Variants in ATP8A2 observed in about 807,000 individuals in gnomAD.
ATP8A2 encodes phospholipid-transporting ATPase IB.
Under a neutral mutation model 165.6 loss-of-function variants are expected in ATP8A2, and 100 were observed. That is an observed-to-expected ratio of 0.60 (90% CI 0.51 to 0.71). The LOEUF (loss-of-function observed/expected upper bound fraction) is 0.71, where lower values mean the gene tolerates loss of function less well. Among genes scored for constraint, ATP8A2 ranks in the 30% least tolerant of loss-of-function variants. The pLI, the probability that ATP8A2 is intolerant of heterozygous loss-of-function variation, is 0.00. For synonymous variants in ATP8A2, 543 were observed against 548.8 expected, an observed-to-expected ratio of 0.99 and a Z score of 0.15; for missense variants, 1,227 against 1,479.5, an observed-to-expected ratio of 0.83 and a Z score of 2.80.
intron 33 of ATP8A2, among the ~76,000 whole-genome samples, chr13:25,942,424 G>A (rs1025066190): frequency 2.0e-5 from 3 of 152,022 alleles, no homozygotes; most frequent in Non-Finnish European, 1.5e-5. Context: ...CAAGCTTATC[G>A]ATTTTCTTTT....
intron 25 of ATP8A2, among the ~76,000 whole-genome samples, chr13:25,721,098 G>T (rs1190829109): frequency 6.6e-6 from 1 of 151,694 alleles, no homozygotes; most frequent in Non-Finnish European, 1.5e-5. Context: ...TGTGGCTACA[G>T]GCTCATGCCA....
chr13:25,655,726 T>C (rs1211399614), intron 24 of ATP8A2, among the ~76,000 whole-genome samples: 6 of 148,362 alleles, frequency 4.0e-5, no homozygotes, highest in Non-Finnish European at 8.9e-5. Context: ...ACTAAATCTC[T>C]TTAAAAAAAA....
chr13:25,853,396 A>ATATATAT (rs59573616), intron 30 of ATP8A2, among the ~76,000 whole-genome samples: 9,690 of 107,400 alleles, frequency 0.09, 560 homozygotes, highest in South Asian at 0.16. Flanking sequence ...ATCTAAAAAA[A>ATATATAT]ATATATATAT....
chr13:25,480,112 G>A (rs1240338411), intron 2 of ATP8A2, among the ~76,000 whole-genome samples: 10 of 150,902 alleles, frequency 6.6e-5, no homozygotes, highest in Admixed American at 1.3e-4. Flanking sequence ...CGGCTGGCCG[G>A]GCGGGGGGCT....
Position 25,387,853 on chromosome 13 carries a change from C to G in ATP8A2, c.76+15565C>G, listed in dbSNP as rs577317166. Among the ~76,000 whole-genome samples, 35 of 152,106 alleles carry G rather than the reference C, an allele frequency of 2.3e-4. No individual in the cohort carries two copies. In the South Asian group the frequency reaches 7.1e-3, roughly 31 times the overall value. ...GCAGGGTAGGTGGATCACCTGAGGT[C>G]AGGAGTTTGAGACCAGCCTGGACAA... On this transcript the variant is annotated intron_variant, in intron 1 of 36. Transcript: ENST00000381655.
chr13:25,563,628 AG>A (rs1469186291), intron 15 of ATP8A2, among the ~76,000 whole-genome samples: 5 of 152,114 alleles, frequency 3.3e-5, no homozygotes, highest in African/African-American at 1.2e-4. Flanking sequence ...CACTCTTAGA[AG>A]TTTTCTCTGG....
At chr13:25,682,337 A>G (rs2042509031) in intron 24 of ATP8A2, among the ~76,000 whole-genome samples, 1 of 152,046 alleles carries the variant, frequency 6.6e-6, no homozygotes, top group East Asian at 1.9e-4. Context: ...ATCAGGCATA[A>G]AATCCTTCCC....
intron 1 of ATP8A2, among the ~76,000 whole-genome samples, chr13:25,461,471 C>T (rs184679287): frequency 6.6e-4 from 100 of 152,214 alleles, no homozygotes; most frequent in African/African-American, 2.2e-3. Flanking sequence ...TTTTGAGGAG[C>T]GGAATGTATG....
At chr13:25,617,597 G>T (rs1425892488) in intron 24 of ATP8A2, among the ~76,000 whole-genome samples, 2 of 152,162 alleles carry the variant, frequency 1.3e-5, no homozygotes, top group African/African-American at 4.8e-5. Context: ...CTAGATAGTT[G>T]TCTCACTAAC....
intron 1 of ATP8A2, among the ~76,000 whole-genome samples, chr13:25,430,614 G>T (rs2034581807): frequency 6.6e-6 from 1 of 151,984 alleles, no homozygotes; most frequent in Non-Finnish European, 1.5e-5. Context: ...TTTTGTTTTT[G>T]TTTTTTGAGA....
At chr13:25,889,744 G>A (rs1487649266) in intron 33 of ATP8A2, among the ~76,000 whole-genome samples, 5 of 151,850 alleles carry the variant, frequency 3.3e-5, no homozygotes, top group African/African-American at 4.8e-5. Flanking sequence ...TAGCTCCCTT[G>A]ACTGTGACTT....
At chr13:25,400,831 G>A (rs2033613657) in intron 1 of ATP8A2, among the ~76,000 whole-genome samples, 1 of 152,222 alleles carries the variant, frequency 6.6e-6, no homozygotes, top group South Asian at 2.1e-4. Flanking sequence ...GAAAGGGTCT[G>A]AGAAGGCCGG....
At chr13:25,456,459 G>A (rs975273403) in intron 1 of ATP8A2, among the ~76,000 whole-genome samples, 3 of 152,236 alleles carry the variant, frequency 2.0e-5, no homozygotes, top group African/African-American at 7.2e-5. Context: ...GTGAGACTGA[G>A]AAATGTGCTT....
At chr13:25,412,884 G>C (rs532999853) in intron 1 of ATP8A2, among the ~76,000 whole-genome samples, 1 of 152,146 alleles carries the variant, frequency 6.6e-6, no homozygotes. Flanking sequence ...GCAGTGGCAC[G>C]ATCTTGGCTC....
intron 36 of ATP8A2, among the ~76,000 whole-genome samples, chr13:26,015,779 G>A (rs183891680): frequency 8.6e-4 from 131 of 152,322 alleles, no homozygotes; most frequent in African/African-American, 3.0e-3. Flanking sequence ...AGTTAGTTGG[G>A]TCCATGAGAG....
intron 9 of ATP8A2, among the ~76,000 whole-genome samples, chr13:25,542,512 G>T (rs1293762080): frequency 6.7e-6 from 1 of 149,954 alleles, no homozygotes; most frequent in Non-Finnish European, 1.5e-5. Context: ...TGTTATCTTT[G>T]TTCTTCTGGC....
At chr13:25,592,019 C>T (rs998845894) in intron 24 of ATP8A2, among the ~76,000 whole-genome samples, 1 of 128,388 alleles carries the variant, frequency 7.8e-6, no homozygotes, top group Non-Finnish European at 1.8e-5. Context: ...CATATTCTTG[C>T]CAACACTGGT....
In ATP8A2 at chr13:25,744,325, A is replaced by ACC. The variant is rs138866684; in HGVS notation, c.2385-24715_2385-24714dup. Among the ~76,000 whole-genome samples the ACC allele has an allele frequency of 1.9e-4, 28 of 148,532 alleles. 2 individuals carry two copies. Among genetic ancestry groups the ACC allele is most frequent in the African/African-American group, 6.8e-4 (27 of 39,446 alleles). ...GCACATGGCATCTGGCTCACTCACCACCCCCCCGTGTGTATGTGCGCCCTT... is the reference window on the plus strand; with the variant it reads ...GCACATGGCATCTGGCTCACTCACCACCCCCCCCCGTGTGTATGTGCGCCCTT... On this transcript the variant is annotated intron_variant, in intron 25 of 36. Transcript: ENST00000381655.
chr13:25,504,727 A>T (rs1294585501), intron 2 of ATP8A2, among the ~76,000 whole-genome samples: 1 of 137,448 alleles, frequency 7.3e-6, no homozygotes, highest in Non-Finnish European at 1.5e-5. Flanking sequence ...GGCCTGGGCG[A>T]CAGAGCGAGA....
Sources: gnomAD v4.1 joint callset for allele counts (sites outside exome capture counted in the v4.1 genomes callset) on GRCh38, gnomAD v4.1.1 for gene constraint, MANE v1.5 for transcripts, NCBI Gene and HGNC (gene_info 2026-07-23, HGNC 2026-07-21) for gene names.